Variants in SYT16 observed in about 807,000 individuals in gnomAD.
SYT16 encodes the protein synaptotagmin 16, also known as synaptotagmin-16.
In SYT16, 42 loss-of-function variants were observed where a neutral mutation model predicts 61.4. The ratio of observed to expected loss-of-function variants is 0.68; its 90% confidence interval spans 0.53 to 0.89. The LOEUF (loss-of-function observed/expected upper bound fraction) is 0.89. SYT16 is among the 40% of genes least tolerant of loss of function. SYT16 has a pLI of 0.00. For synonymous variants in SYT16, 314 were observed against 302.3 expected, an observed-to-expected ratio of 1.04 and a Z score of -0.40; for missense variants, 804 against 807.3, an observed-to-expected ratio of 1.00 and a Z score of 0.05.
chr14:62,093,425 A>T (rs926942226), intron 7 of SYT16, among the ~76,000 whole-genome samples: 19 of 152,158 alleles, frequency 1.2e-4, no homozygotes, highest in African/African-American at 4.1e-4. Context: ...TGCTATGTAA[A>T]AGATAGATAT....
At position 62,074,426 on chromosome 14, in the gene SYT16, T is replaced by G. The variant is rs539001608; in HGVS notation, c.737-709T>G. 2.5e-3 allele frequency among the ~76,000 whole-genome samples: 386 copies of G among 152,066 alleles called. 3 individuals carry two copies. Among genetic ancestry groups the G allele is most frequent in the African/African-American group, 8.8e-3 (363 of 41,478 alleles). The stretch of plus-strand genomic sequence containing the variant: ...TGAGACATGGTCACTTGGGAAGCAG[T>G]GGAAAATGGGGTTGGATGGGTTGGA... On this transcript the variant is annotated intron_variant, in intron 4 of 7. Transcript: ENST00000683842.
Position 61,902,019 on chromosome 14 carries a change from T to C in SYT16, c.-324-68113T>C, listed in dbSNP as rs113436219. Among the ~76,000 whole-genome samples, 595 of 152,258 alleles carry C rather than the reference T, an allele frequency of 3.9e-3. 3 individuals carry two copies. The highest frequency in any genetic ancestry group is 0.013 in the African/African-American group (559 of 41,538). On this transcript the variant is annotated intron_variant, in intron 1 of 7. Coordinates refer to ENST00000683842, the MANE Select transcript of SYT16 (RefSeq NM_001367656.1). The stretch of plus-strand genomic sequence containing the variant: ...CTCAGGTGATCCACCTACCTTGGCC[T>C]CCCGAAGTGCTGAGACTATAGGGGT...
At chr14:61,890,627 A>G (rs1021355558) in intron 1 of SYT16, among the ~76,000 whole-genome samples, 1 of 152,058 alleles carries the variant, frequency 6.6e-6, no homozygotes, top group South Asian at 2.1e-4. Flanking sequence ...ATTTTTATAG[A>G]GTCTTGAAAT....
chr14:61,915,389 A>G (rs1185516063), intron 1 of SYT16, among the ~76,000 whole-genome samples: 5 of 152,206 alleles, frequency 3.3e-5, no homozygotes, highest in African/African-American at 7.2e-5. Flanking sequence ...ACATACATCT[A>G]TGAACTAGAA....
At chr14:61,871,503 T>C (rs2047332127) in intron 1 of SYT16, among the ~76,000 whole-genome samples, 1 of 152,222 alleles carries the variant, frequency 6.6e-6, no homozygotes, top group Non-Finnish European at 1.5e-5. Flanking sequence ...TCCCCTTCCC[T>C]GTCCCGTGAC....
intron 7 of SYT16, among the ~76,000 whole-genome samples, chr14:62,095,351 C>T (rs2057234856): frequency 6.6e-6 from 1 of 151,414 alleles, no homozygotes; most frequent in Non-Finnish European, 1.5e-5. Context: ...AATGAAGCTG[C>T]CATTCATTAT....
Position 61,872,025 on chromosome 14 carries a change from T to C in SYT16, c.-325+59215T>C, listed in dbSNP as rs75797792. On this transcript the variant is annotated intron_variant, in intron 1 of 7. Transcript: ENST00000683842. The stretch of plus-strand genomic sequence containing the variant: ...TAATTGTACCTTCCTTGCAATATTG[T>C]AGCAGGGATTGAAAATAAAATATGA... Among the ~76,000 whole-genome samples, 1,480 of 152,264 alleles carry C rather than the reference T, an allele frequency of 9.7e-3. 9 individuals carry two copies. Among genetic ancestry groups the C allele is most frequent in the Middle Eastern group, 0.034 (10 of 294 alleles).
At chr14:62,079,817 T>G (rs919910269) in intron 5 of SYT16, among the ~76,000 whole-genome samples, 3 of 152,174 alleles carry the variant, frequency 2.0e-5, no homozygotes, top group African/African-American at 7.2e-5. Context: ...CTAGCTCAGT[T>G]TTCCCAGTAA....
In SYT16 at chr14:62,105,012, G is replaced by A. The variant is rs1354699772; in HGVS notation, c.*4305G>A. ...ACACTAGAGAAAAACAAAAACCAAC[G>A]TTCAGATACTGTAACAAGGATAGGC... is the stretch of plus-strand genomic sequence containing the variant. On this transcript the variant is annotated 3_prime_UTR_variant, in exon 8 of 8. Transcript: ENST00000683842. 1.3e-5 allele frequency: 2 copies of A among 152,172 alleles called. No homozygotes were observed. The highest frequency in any genetic ancestry group is 4.8e-5 in the African/African-American group (2 of 41,430). 9.4% of individuals were successfully genotyped at this position (152,172 alleles called of 1,614,324 possible).
intron 3 of SYT16, among the ~76,000 whole-genome samples, chr14:62,001,547 G>A (rs748547890): frequency 2.6e-4 from 40 of 152,000 alleles, no homozygotes; most frequent in Non-Finnish European, 4.3e-4. Context: ...GAGTGTTTGT[G>A]CATGGACATG....
chr14:61,837,959 C>A (rs1015688745), intron 1 of SYT16, among the ~76,000 whole-genome samples: 2 of 152,194 alleles, frequency 1.3e-5, no homozygotes, highest in Non-Finnish European at 2.9e-5. Flanking sequence ...AGAAGACTTT[C>A]TAATAGCTTT....
chr14:61,965,128 C>T (rs1027417083), intron 1 of SYT16, among the ~76,000 whole-genome samples: 2 of 152,118 alleles, frequency 1.3e-5, no homozygotes, highest in African/African-American at 4.8e-5. Flanking sequence ...TTTCAATTCT[C>T]TTGGGTGCAT....
intron 1 of SYT16, among the ~76,000 whole-genome samples, chr14:61,882,436 G>T (rs1275350429): frequency 2.0e-5 from 3 of 152,166 alleles, no homozygotes; most frequent in African/African-American, 7.2e-5. Flanking sequence ...AAAACCATCA[G>T]ATCTGGTGAG....
At position 62,084,312 on chromosome 14, in the gene SYT16, C is replaced by T. The variant is rs371715514; in HGVS notation, c.1551C>T (p.Ala517=). Residue 517 remains alanine (A), a synonymous_variant, in exon 7 of 8, where the codon GCC becomes GCT. Coordinates refer to ENST00000683842, the MANE Select transcript of SYT16 (RefSeq NM_001367656.1). The part of the protein sequence containing the change: ...PELLVGLSYN[A]TTGRLSVEMI... ...TGTTGGTGGGGCTCTCGTACAATGC[C>T]ACAACGGGGCGATTATCTGTGGAAA... is the stretch of plus-strand genomic sequence containing the variant. 6.2e-6 allele frequency: 10 copies of T among 1,613,196 alleles called. No homozygotes were observed. In the African/African-American group the frequency reaches 1.3e-4, roughly 22 times the overall value.
chr14:61,832,365 A>G, intron 1 of SYT16: 1 of 562,560 alleles, frequency 1.8e-6, no homozygotes, highest in Middle Eastern at 3.0e-4. Context: ...CCTGGTAGCC[A>G]ACATTCTGCC....
intron 1 of SYT16, among the ~76,000 whole-genome samples, chr14:61,878,713 A>G (rs1308777381): frequency 2.0e-5 from 3 of 152,202 alleles, no homozygotes; most frequent in Admixed American, 6.5e-5. Context: ...TCACTGCAGA[A>G]TCCAAAATAA....
At chr14:61,854,352 A>G (rs1163277503) in intron 1 of SYT16, among the ~76,000 whole-genome samples, 1 of 152,220 alleles carries the variant, frequency 6.6e-6, no homozygotes, top group African/African-American at 2.4e-5. Flanking sequence ...ATATACTCCA[A>G]TGATGTTAAA....
At chr14:61,833,723 T>TAA (rs2046021427) in intron 1 of SYT16, among the ~76,000 whole-genome samples, 2 of 148,860 alleles carry the variant, frequency 1.3e-5, no homozygotes, top group Non-Finnish European at 3.0e-5. Context: ...TTTTTTTTTT[T>TAA]TTTTAAATTT....
chr14:61,990,890 C>T (rs923898745), intron 2 of SYT16, among the ~76,000 whole-genome samples: 3 of 152,146 alleles, frequency 2.0e-5, no homozygotes, highest in Admixed American at 2.0e-4. Context: ...AGGAATTTGA[C>T]AGTTTTTCTT....
Sources: gnomAD v4.1 joint callset for allele counts (sites outside exome capture counted in the v4.1 genomes callset) on GRCh38, gnomAD v4.1.1 for gene constraint, MANE v1.5 for transcripts, NCBI Gene and HGNC (gene_info 2026-07-23, HGNC 2026-07-21) for gene names.